Variants in FBXL13 observed in about 807,000 individuals in gnomAD.
FBXL13 encodes the protein F-box and leucine-rich repeat protein 13.
FBXL13 carries 67 observed loss-of-function variants against 83.6 expected under a neutral mutation model. The ratio of observed to expected loss-of-function variants is 0.80; its 90% CI spans 0.66 to 0.98. The LOEUF (loss-of-function observed/expected upper bound fraction) is 0.98. Among genes scored for constraint, FBXL13 ranks in the 50% least tolerant of loss-of-function variants. FBXL13 has a pLI of 0.00. For missense variants in FBXL13, 822 were observed against 866.5 expected (o/e 0.95, Z 0.64); for synonymous variants, 272 against 299.5 (o/e 0.91, Z 0.95).
exon 18 of FBXL13, chr7:102,832,953 T>C: frequency 3.1e-6 from 5 of 1,614,150 alleles, no homozygotes; most frequent in Non-Finnish European, 4.2e-6. Flanking sequence ...TGTTCCAAGA[T>C]CAGTGAGCTT....
chr7:102,984,482 C>T (rs541805971), intron 6 of FBXL13, among the ~76,000 whole-genome samples: 2 of 152,328 alleles, frequency 1.3e-5, no homozygotes, highest in South Asian at 4.1e-4. Flanking sequence ...TGTTGGCAAA[C>T]TGGAGACCCC....
At position 103,039,860 on chromosome 7, in the gene FBXL13, C is replaced by A. The variant is rs184595697; in HGVS notation, c.1-10442G>T. On this transcript the variant is annotated intron_variant, in intron 2 of 19. Coordinates refer to ENST00000313221, the Ensembl canonical transcript of FBXL13. ...ATGGAAAGGAACAACCGGTACCAGCCACTGTAAAAACATTCCAAATGGTAA... is the reference window on the plus strand; with the variant it reads ...ATGGAAAGGAACAACCGGTACCAGCAACTGTAAAAACATTCCAAATGGTAA... 1.6e-3 allele frequency among the ~76,000 whole-genome samples: 246 copies of A among 152,130 alleles called. 2 individuals carry two copies. Among genetic ancestry groups the A allele is most frequent in the Admixed American group, 0.015 (228 of 15,278 alleles).
chr7:102,881,954 A>G lies in FBXL13; in HGVS notation c.1388+1351T>C, dbSNP rs116939036. Among the ~76,000 whole-genome samples, 979 of 152,318 alleles carry G rather than the reference A, an allele frequency of 6.4e-3. 20 individuals are homozygous for G. Among genetic ancestry groups the G allele is most frequent in the East Asian group, 0.057 (297 of 5,178 alleles). On this transcript the variant is annotated intron_variant, in intron 14 of 19. Transcript: ENST00000313221. Reference sequence around the variant, plus strand: ...CTGCCTCCCCATTTTAATAACAGGCAACATAGGTTGAGATTCTGTGTAGTG... The same window carrying G: ...CTGCCTCCCCATTTTAATAACAGGCGACATAGGTTGAGATTCTGTGTAGTG...
chr7:103,001,131 AT>A (rs879418159), intron 6 of FBXL13, among the ~76,000 whole-genome samples: 145 of 145,308 alleles, frequency 1.0e-3, no homozygotes, highest in Middle Eastern at 3.5e-3. Context: ...TTTTTTTTTG[AT>A]TTTTTTTTTG....
chr7:102,961,473 T>G (rs1825193105), intron 8 of FBXL13, among the ~76,000 whole-genome samples: 1 of 144,388 alleles, frequency 6.9e-6, no homozygotes, highest in East Asian at 2.1e-4. Flanking sequence ...TTCACAGAAT[T>G]GGAAAAAACT....
At chr7:102,894,618 C>G (rs921307802) in intron 11 of FBXL13, among the ~76,000 whole-genome samples, 1 of 151,468 alleles carries the variant, frequency 6.6e-6, no homozygotes. Flanking sequence ...ATGCCAACTA[C>G]TTGGGAGGCT....
intron 11 of FBXL13, among the ~76,000 whole-genome samples, chr7:102,910,700 A>G (rs1028862216): frequency 6.6e-6 from 1 of 152,112 alleles, no homozygotes; most frequent in Non-Finnish European, 1.5e-5. Flanking sequence ...TTTTTCACCC[A>G]TAAGGGTGAC....
exon 8 of FBXL13, chr7:102,963,533 T>C (rs1443543168): frequency 1.2e-6 from 2 of 1,611,102 alleles, no homozygotes; most frequent in African/African-American, 1.3e-5. Context: ...ACATACTTAC[T>C]GACAGATCTG....
At chr7:103,044,418 G>C (rs6465889) in intron 2 of FBXL13, among the ~76,000 whole-genome samples, 22,123 of 152,074 alleles carry the variant, frequency 0.15, 1,790 homozygotes, top group African/African-American at 0.21. Context: ...AATATAATCA[G>C]GACTAGATGA....
chr7:102,956,013 A>C (rs139793449), intron 8 of FBXL13, among the ~76,000 whole-genome samples: 6 of 152,148 alleles, frequency 3.9e-5, no homozygotes, highest in African/African-American at 1.4e-4. Flanking sequence ...AAAAGAGGGA[A>C]TCCTCCCTAA....
At chr7:102,930,954 A>C (rs563099296) in intron 9 of FBXL13, among the ~76,000 whole-genome samples, 138 of 152,282 alleles carry the variant, frequency 9.1e-4, no homozygotes, top group African/African-American at 3.2e-3. Flanking sequence ...CACAAAGAAC[A>C]AGACACATCT....
At chr7:103,073,775 G>T (rs1198596107) in intron 1 of FBXL13, among the ~76,000 whole-genome samples, 1 of 152,034 alleles carries the variant, frequency 6.6e-6, no homozygotes, top group Non-Finnish European at 1.5e-5. Flanking sequence ...CGGGTGGGGG[G>T]TCTCTACCAA....
chr7:102,851,110 T>G (rs1805145368), intron 17 of FBXL13, among the ~76,000 whole-genome samples: 1 of 152,194 alleles, frequency 6.6e-6, no homozygotes, highest in Non-Finnish European at 1.5e-5. Flanking sequence ...TAAGCGCTCT[T>G]GGCCTTTGAG....
chr7:103,019,180 C>T (rs1038867792), intron 6 of FBXL13, among the ~76,000 whole-genome samples: 80 of 152,142 alleles, frequency 5.3e-4, no homozygotes, highest in African/African-American at 1.6e-3. Context: ...CACTCAAAAC[C>T]GCTCAACTAC....
chr7:102,916,103 C>T (rs1438997972), intron 10 of FBXL13, among the ~76,000 whole-genome samples: 1 of 152,050 alleles, frequency 6.6e-6, no homozygotes, highest in African/African-American at 2.4e-5. Flanking sequence ...CCTGCCTCAG[C>T]TTCCCAAGTA....
intron 17 of FBXL13, among the ~76,000 whole-genome samples, chr7:102,853,151 A>C (rs1805514034): frequency 6.6e-6 from 1 of 152,154 alleles, no homozygotes; most frequent in South Asian, 2.1e-4. Context: ...TGAACGATGC[A>C]ATGGATTTTG....
intron 11 of FBXL13, among the ~76,000 whole-genome samples, chr7:102,885,381 C>A (rs1372983636): frequency 6.6e-6 from 1 of 151,494 alleles, no homozygotes; most frequent in Non-Finnish European, 1.5e-5. Flanking sequence ...ATATGAGTAT[C>A]TTTTCATGTA....
chr7:102,986,140 G>T (rs1828926454), intron 6 of FBXL13, among the ~76,000 whole-genome samples: 1 of 152,084 alleles, frequency 6.6e-6, no homozygotes, highest in Non-Finnish European at 1.5e-5. Context: ...AGACATTAAG[G>T]TTTATGTGCT....
chr7:102,995,309 A>G (rs919816165), intron 6 of FBXL13, among the ~76,000 whole-genome samples: 2 of 150,700 alleles, frequency 1.3e-5, no homozygotes, highest in South Asian at 2.1e-4. Flanking sequence ...GTGAAACCCC[A>G]TCTCTACTAA....
Sources: gnomAD v4.1 joint callset for allele counts (sites outside exome capture counted in the v4.1 genomes callset) on GRCh38, gnomAD v4.1.1 for gene constraint, MANE v1.5 for transcripts, NCBI Gene and HGNC (gene_info 2026-07-23, HGNC 2026-07-21) for gene names.